The following CGGBP1 variants were observed in gnomAD, a reference collection of about 807,000 sequenced individuals.
CGGBP1 encodes CGG triplet repeat-binding protein 1.
A neutral mutation model predicts 11.4 loss-of-function variants in CGGBP1; 4 were observed. The observed-to-expected ratio is 0.35, with a 90% CI of 0.17 to 0.80. The LOEUF is 0.80. Ranked by LOEUF, CGGBP1 falls within the 30% of genes least tolerant of loss-of-function variation. The pLI is 0.52. For missense variants in CGGBP1, 135 were observed against 202.1 expected (o/e 0.67, Z 2.01); for synonymous variants, 76 against 74.1 (o/e 1.03, Z -0.13).
chr3:88,080,836 TA>T (rs1188796936), intron 2 of CGGBP1, among the ~76,000 whole-genome samples: 2 of 152,220 alleles, frequency 1.3e-5, no homozygotes, highest in Admixed American at 1.3e-4. Context: ...TTAAATTTTT[TA>T]AAACTGAACT....
At chr3:88,122,255 A>C (rs1705814116) in intron 2 of CGGBP1, among the ~76,000 whole-genome samples, 2 of 152,138 alleles carry the variant, frequency 1.3e-5, no homozygotes, top group African/African-American at 4.8e-5. Flanking sequence ...ATTTTGGGAG[A>C]TGTGGAAGAG....
At chr3:88,123,513 T>A (rs910259586) in intron 2 of CGGBP1, among the ~76,000 whole-genome samples, 1 of 151,984 alleles carries the variant, frequency 6.6e-6, no homozygotes, top group Non-Finnish European at 1.5e-5. Context: ...TGCCTGTGGG[T>A]GGGAGTTGTT....
chr3:88,125,262 A>G (rs1706030818), intron 2 of CGGBP1, among the ~76,000 whole-genome samples: 1 of 151,960 alleles, frequency 6.6e-6, no homozygotes, highest in Non-Finnish European at 1.5e-5. Context: ...CTAATAAAGT[A>G]TGTAATGAGC....
Position 88,052,068 on chromosome 3 carries a change from G to T in CGGBP1, c.*3405C>A, listed in dbSNP as rs952363448. The T allele has an allele frequency of 5.9e-5, 9 of 152,560 alleles. No individual in the cohort carries two copies. The highest frequency in any genetic ancestry group is 1.2e-4 in the Non-Finnish European group (8 of 68,012). 9.5% of individuals were successfully genotyped at this position (152,560 alleles called of 1,614,324 possible). On this transcript the variant is annotated 3_prime_UTR_variant, in exon 4 of 4. Transcript: ENST00000482016. ...AAAAGTCAGAGACAAAACTTTAGAA[G>T]TGACACATTTATACTAAGCATACAT...
chr3:88,141,617 G>A (rs1707138244), intron 1 of CGGBP1: 2 of 1,450,068 alleles, frequency 1.4e-6, no homozygotes, highest in Non-Finnish European at 1.9e-6. Context: ...AATAAAACTT[G>A]CATTAACAGA....
intron 2 of CGGBP1, among the ~76,000 whole-genome samples, chr3:88,118,100 T>C (rs1391066805): frequency 6.6e-6 from 1 of 152,176 alleles, no homozygotes; most frequent in African/African-American, 2.4e-5. Flanking sequence ...AAAGTCTTAC[T>C]ACCAAAGCTC....
At chr3:88,143,170 A>G (rs1707208450) in intron 1 of CGGBP1, 1 of 152,288 alleles carries the variant, frequency 6.6e-6, no homozygotes, top group South Asian at 2.1e-4. Flanking sequence ...AATTTCTTCC[A>G]GGTAGCATCC....
At chr3:88,089,744 T>C (rs1424520348) in intron 2 of CGGBP1, among the ~76,000 whole-genome samples, 5 of 152,118 alleles carry the variant, frequency 3.3e-5, no homozygotes, top group Non-Finnish European at 5.9e-5. Flanking sequence ...CCCAAAAATA[T>C]CTTGAGAAGA....
At chr3:88,139,989 G>A (rs772062287) in intron 2 of CGGBP1, 13 of 1,613,728 alleles carry the variant, frequency 8.1e-6, no homozygotes, top group South Asian at 2.2e-5. Context: ...ACATCCAACC[G>A]ATTTAAATGT....
intron 2 of CGGBP1, among the ~76,000 whole-genome samples, chr3:88,079,315 T>A (rs1707965842): frequency 6.6e-6 from 1 of 152,030 alleles, no homozygotes; most frequent in African/African-American, 2.4e-5. Context: ...GAACTGAAAA[T>A]TTTGTAGACT....
intron 2 of CGGBP1, chr3:88,086,546 G>T: frequency 6.7e-6 from 5 of 745,274 alleles, no homozygotes; most frequent in Non-Finnish European, 9.8e-6. Flanking sequence ...GAAGTATTCA[G>T]GTTTAATTTT....
intron 2 of CGGBP1, among the ~76,000 whole-genome samples, chr3:88,091,677 T>C (rs1708637641): frequency 3.3e-5 from 5 of 152,166 alleles, no homozygotes; most frequent in Admixed American, 2.6e-4. Context: ...TGGGAGGTAA[T>C]TGAATCATGG....
chr3:88,075,641 CTT>C (rs899533192), intron 2 of CGGBP1, among the ~76,000 whole-genome samples: 3 of 152,114 alleles, frequency 2.0e-5, no homozygotes, highest in Non-Finnish European at 2.9e-5. Flanking sequence ...ATAAACATTC[CTT>C]TTTGTCACAT....
At chr3:88,133,205 T>G (rs1168915251) in intron 2 of CGGBP1, among the ~76,000 whole-genome samples, 1 of 152,108 alleles carries the variant, frequency 6.6e-6, no homozygotes, top group Non-Finnish European at 1.5e-5. Context: ...ATAGGAGACA[T>G]GGCCACTGGT....
At chr3:88,146,367 T>C (rs1292450838) in intron 1 of CGGBP1, among the ~76,000 whole-genome samples, 1 of 152,184 alleles carries the variant, frequency 6.6e-6, no homozygotes, top group East Asian at 1.9e-4. Flanking sequence ...CCCCTATTAA[T>C]AGCTCCTTAA....
intron 1 of CGGBP1, among the ~76,000 whole-genome samples, 194 bp downstream of exon 1, chr3:88,058,621 G>C (rs573971231): frequency 1.5e-4 from 23 of 152,344 alleles, no homozygotes; most frequent in African/African-American, 5.1e-4. Flanking sequence ...CGACTTGGCG[G>C]CAGTCTCAAG....
chr3:88,116,726 G>A (rs919452453), intron 2 of CGGBP1, among the ~76,000 whole-genome samples: 1 of 151,906 alleles, frequency 6.6e-6, no homozygotes, highest in African/African-American at 2.4e-5. Context: ...ATTACCCAGA[G>A]GTAAGAAAGT....
At chr3:88,121,719 A>C (rs1412320075) in intron 2 of CGGBP1, among the ~76,000 whole-genome samples, 1 of 152,182 alleles carries the variant, frequency 6.6e-6, no homozygotes, top group African/African-American at 2.4e-5. Context: ...TCTCATTTCA[A>C]AGTATTATAA....
At chr3:88,069,546 T>C (rs1048570517) in intron 2 of CGGBP1, among the ~76,000 whole-genome samples, 4 of 152,242 alleles carry the variant, frequency 2.6e-5, no homozygotes, top group Non-Finnish European at 5.9e-5. Flanking sequence ...ATCGAAGTTA[T>C]AACTACACAA....
Sources: gnomAD v4.1 joint callset for allele counts (sites outside exome capture counted in the v4.1 genomes callset) on GRCh38, gnomAD v4.1.1 for gene constraint, MANE v1.5 for transcripts, NCBI Gene and HGNC (gene_info 2026-07-23, HGNC 2026-07-21) for gene names.